GPATCH8: variants seen among roughly 807,000 people sequenced by gnomAD.
GPATCH8 encodes G patch domain-containing protein 8.
Under a neutral mutation model 118.3 loss-of-function variants are expected in GPATCH8, and 18 were observed. That is an observed-to-expected ratio of 0.15 (90% confidence interval 0.11 to 0.23). GPATCH8 has a LOEUF of 0.23. Among genes scored for constraint, GPATCH8 ranks in the 10% least tolerant of loss-of-function variants. GPATCH8 has a pLI of 1.00. For missense variants in GPATCH8, 1,631 were observed against 1,873.8 expected (o/e 0.87, Z 2.39); for synonymous variants, 659 against 684.7 (o/e 0.96, Z 0.59).
intron 6 of GPATCH8, among the ~76,000 whole-genome samples, chr17:44,423,447 A>G (rs1303424401): frequency 6.6e-6 from 1 of 152,190 alleles, no homozygotes; most frequent in Non-Finnish European, 1.5e-5. Context: ...TTACCTGTGC[A>G]CTGAAATCTT....
chr17:44,453,433 T>A (rs2051191398), intron 3 of GPATCH8, among the ~76,000 whole-genome samples: 1 of 151,752 alleles, frequency 6.6e-6, no homozygotes, highest in Non-Finnish European at 1.5e-5. Flanking sequence ...TTAGCATATA[T>A]GAGATTTGTG....
intron 2 of GPATCH8, among the ~76,000 whole-genome samples, chr17:44,466,908 C>CT (rs2051788960): frequency 1.4e-5 from 2 of 142,024 alleles, no homozygotes; most frequent in South Asian, 4.3e-4. Flanking sequence ...AATTGTTGCT[C>CT]CCCCCCCCTC....
At chr17:44,437,464 T>C (rs1339008388) in intron 3 of GPATCH8, among the ~76,000 whole-genome samples, 2 of 152,180 alleles carry the variant, frequency 1.3e-5, no homozygotes, top group Admixed American at 6.5e-5. Flanking sequence ...CCTTATCCGT[T>C]GTACACCTTT....
At chr17:44,491,229 G>A (rs1458808926) in intron 1 of GPATCH8, among the ~76,000 whole-genome samples, 2 of 152,152 alleles carry the variant, frequency 1.3e-5, no homozygotes, top group African/African-American at 4.8e-5. Flanking sequence ...GGTGGCTCAT[G>A]CCGGTAATCC....
chr17:44,396,356 T>G lies in GPATCH8; in HGVS notation c.*1212A>C. ...AACAGCAAAAGTACATGAGGGAGAC[T>G]GTTAAAGATGAGCATCCCTCAGAAG... is the stretch of plus-strand genomic sequence containing the variant. On this transcript the variant is annotated 3_prime_UTR_variant, in exon 8 of 8. Transcript: ENST00000591680. The G allele has an allele frequency of 2.2e-6, 1 of 454,540 alleles. No homozygotes were observed. The allele number at this position is 454,540 out of a possible 1,614,324, so 28.2% of individuals were successfully genotyped here.
Position 44,454,787 on chromosome 17 carries a change from CTTGT to C in GPATCH8, c.193+9681_193+9684del, listed in dbSNP as rs1405072008. ...CCTTAGACTGCCAATTCTGACTAAT[CTTGT>C]TTATTACCTGGGCCTCTTCTCTATA... On this transcript the variant is annotated intron_variant, in intron 3 of 7. Coordinates refer to ENST00000591680, the MANE Select transcript of GPATCH8 (RefSeq NM_001002909.4). Among the ~76,000 whole-genome samples, 13 of 152,264 alleles carry C rather than the reference CTTGT, an allele frequency of 8.5e-5. No homozygotes were observed. The East Asian group carries it at 2.5e-3, about 29-fold the overall frequency.
At chr17:44,425,534 ATGT>A (rs1469962940) in intron 5 of GPATCH8, among the ~76,000 whole-genome samples, 7 of 152,094 alleles carry the variant, frequency 4.6e-5, no homozygotes, top group African/African-American at 1.7e-4. Flanking sequence ...GGACAGTTTC[ATGT>A]TGTTTGGCTA....
At chr17:44,471,510 A>T (rs895972461) in intron 2 of GPATCH8, among the ~76,000 whole-genome samples, 4 of 152,186 alleles carry the variant, frequency 2.6e-5, no homozygotes, top group Non-Finnish European at 2.9e-5. Flanking sequence ...TTAAAAAAAA[A>T]TGACTAGACC....
intron 1 of GPATCH8, among the ~76,000 whole-genome samples, chr17:44,496,053 G>C (rs1393446157): frequency 6.6e-6 from 1 of 152,122 alleles, no homozygotes; most frequent in Non-Finnish European, 1.5e-5. Context: ...ATTTTTAGTA[G>C]AGATGGGTTT....
At chr17:44,474,805 G>C (rs1296508438) in intron 2 of GPATCH8, 24 bp downstream of exon 2, 1 of 1,312,312 alleles carries the variant, frequency 7.6e-7, no homozygotes, top group African/African-American at 1.4e-5. Context: ...GCTAAGACCC[G>C]AAATTAAGCA....
chr17:44,396,847 CAT>C lies in GPATCH8; in HGVS notation c.*719_*720del. 1 of 454,424 alleles carries C rather than the reference CAT, an allele frequency of 2.2e-6. No homozygotes were observed. Among genetic ancestry groups the C allele is most frequent in the South Asian group, 1.6e-5 (1 of 64,472 alleles). The allele number at this position is 454,424 out of a possible 1,614,324, so 28.1% of individuals were successfully genotyped here. A position where few individuals can be genotyped will look rare whatever the true frequency, so the allele number is the denominator to read the frequency against. ...GAAAATATACCCTTCACTTTAGACACATGAGCTCCTCTCTGGGCCATACAGCT... is the reference window on the plus strand; with the variant it reads ...GAAAATATACCCTTCACTTTAGACACGAGCTCCTCTCTGGGCCATACAGCT... On this transcript the variant is annotated 3_prime_UTR_variant, in exon 8 of 8. Coordinates refer to ENST00000591680, the MANE Select transcript of GPATCH8 (RefSeq NM_001002909.4).
At position 44,398,289 on chromosome 17, in the gene GPATCH8, C is replaced by A. The variant is rs1282902522; in HGVS notation, c.3788G>T (p.Gly1263Val). ...LESLDSSSQP[G>V]PVESSLLPIA... ...AGGCAGCAAGCTGGACTCCACAGGG[C>A]CTGGCTGACTGCTGCTATCCAGGGA... Residue 1263 changes from glycine (G) to valine (V), a missense_variant, in exon 8 of 8, where the codon GGC becomes GTC. This residue lies in a region of GPATCH8 where 922 missense variants were observed against 879.7 expected (regional missense o/e 1.05). Coordinates refer to ENST00000591680, the MANE Select transcript of GPATCH8 (RefSeq NM_001002909.4). 1.3e-5 allele frequency: 21 copies of A among 1,613,754 alleles called. 1 individual carries two copies. The highest frequency in any genetic ancestry group is 3.3e-5 in the South Asian group (3 of 91,050).
chr17:44,412,667 A>C (rs1049081499), intron 6 of GPATCH8, among the ~76,000 whole-genome samples: 1 of 152,138 alleles, frequency 6.6e-6, no homozygotes, highest in Admixed American at 6.6e-5. Flanking sequence ...TACAGGTGTG[A>C]GCCACCACAC....
Position 44,410,186 on chromosome 17 carries a change from A to T in GPATCH8, c.493-4135T>A, listed in dbSNP as rs1018434082. On this transcript the variant is annotated intron_variant, in intron 6 of 7. Coordinates refer to ENST00000591680, the MANE Select transcript of GPATCH8 (RefSeq NM_001002909.4). ...TTTCCAAAATTGCCTATTTTATTCCAAAAGGCTACCAACGTCTGGCTCATT... is the reference window on the plus strand; with the variant it reads ...TTTCCAAAATTGCCTATTTTATTCCTAAAGGCTACCAACGTCTGGCTCATT... 2.0e-5 allele frequency among the ~76,000 whole-genome samples: 3 copies of T among 152,198 alleles called. No individual in the cohort carries two copies. The East Asian group carries it at 5.8e-4, about 29-fold the overall frequency.
chr17:44,486,195 A>G (rs1170093869), intron 1 of GPATCH8: 1 of 152,202 alleles, frequency 6.6e-6, no homozygotes, highest in African/African-American at 2.4e-5. Flanking sequence ...TAACCAAGGT[A>G]AAGACTCAGT....
intron 1 of GPATCH8, among the ~76,000 whole-genome samples, chr17:44,476,173 T>C (rs1967759612): frequency 6.6e-6 from 1 of 152,026 alleles, no homozygotes; most frequent in Non-Finnish European, 1.5e-5. Flanking sequence ...TTAGGAAGAC[T>C]ACAGAGTCTT....
At chr17:44,438,500 CTTCTTAACAT>C (rs1239589772) in intron 3 of GPATCH8, among the ~76,000 whole-genome samples, 1 of 151,868 alleles carries the variant, frequency 6.6e-6, no homozygotes, top group Non-Finnish European at 1.5e-5. Context: ...AGATACATCC[CTTCTTAACAT>C]TACCCTTTAA....
chr17:44,501,594 G>A (rs1348546153), intron 1 of GPATCH8, among the ~76,000 whole-genome samples: 1 of 151,994 alleles, frequency 6.6e-6, no homozygotes, highest in African/African-American at 2.4e-5. Context: ...TGGAAACTGA[G>A]TATTGAAAAA....
chr17:44,492,702 A>G (rs1969350926), intron 1 of GPATCH8, among the ~76,000 whole-genome samples: 1 of 152,194 alleles, frequency 6.6e-6, no homozygotes, highest in African/African-American at 2.4e-5. Flanking sequence ...TATAGCTGGC[A>G]ACAAACAGTA....
Sources: gnomAD v4.1 joint callset for allele counts (sites outside exome capture counted in the v4.1 genomes callset) on GRCh38, gnomAD v4.1.1 for gene constraint, gnomAD v4.1.1 regional missense constraint, MANE v1.5 for transcripts, NCBI Gene and HGNC (gene_info 2026-07-23, HGNC 2026-07-21) for gene names.